MCM9: variants seen among roughly 807,000 people sequenced by gnomAD.
MCM9 encodes DNA helicase MCM9.
Under a neutral mutation model 72.8 loss-of-function variants are expected in MCM9, and 55 were observed. The observed-to-expected ratio is 0.76, with a 90% CI of 0.61 to 0.95. MCM9 has a LOEUF of 0.95. Among genes scored for constraint, MCM9 ranks in the 40% least tolerant of loss-of-function variants. The probability of loss-of-function intolerance (pLI) is 0.00; values close to 1 mark genes in which losing one functional copy is unlikely to be tolerated. For synonymous variants in MCM9, 480 were observed against 503.4 expected, an observed-to-expected ratio of 0.95 and a Z score of 0.62; for missense variants, 1,279 against 1,377.0, an observed-to-expected ratio of 0.93 and a Z score of 1.13.
chr6:118,831,662 T>C (rs888143075), intron 9 of MCM9, among the ~76,000 whole-genome samples: 3 of 152,100 alleles, frequency 2.0e-5, no homozygotes, highest in Admixed American at 6.6e-5. Flanking sequence ...CAAACACAAA[T>C]ACATACATAC....
chr6:118,881,944 C>T (rs1247920056), intron 8 of MCM9, among the ~76,000 whole-genome samples: 1 of 152,146 alleles, frequency 6.6e-6, no homozygotes, highest in Non-Finnish European at 1.5e-5. Context: ...GAGGAGCTCC[C>T]TATGAGCTCT....
intron 8 of MCM9, chr6:118,911,408 A>G (rs1437676409): frequency 8.1e-7 from 1 of 1,234,096 alleles, no homozygotes; most frequent in Admixed American, 4.0e-5. Context: ...TATGAAGGTA[A>G]TCACTAGAGA....
chr6:118,829,187 G>A lies in MCM9; in HGVS notation c.1389C>T (p.Tyr463=), dbSNP rs1174836608. The A allele has an allele frequency of 8.4e-6, 13 of 1,550,546 alleles. No homozygotes were observed. Among genetic ancestry groups the A allele is most frequent in the Admixed American group, 2.0e-5 (1 of 50,956 alleles). ...ILAATNPKGQ[Y]DPQESVSVNI... is the part of the protein sequence containing the mutation. ...TCACAGACACGGACTCCTGGGGGTC[G>A]TACTGGCCTTTGGGGTTCGTTGCTG... is the stretch of plus-strand genomic sequence containing the variant. The change falls in exon 10 of 14, where the codon TAC becomes TAT. Residue 463 remains tyrosine, a synonymous_variant. Transcript: ENST00000619706.
intron 3 of MCM9, among the ~76,000 whole-genome samples, chr6:118,927,301 T>C (rs1266407946): frequency 6.6e-6 from 1 of 152,212 alleles, no homozygotes; most frequent in Non-Finnish European, 1.5e-5. Context: ...TAGCATAATT[T>C]AGAAAAGTCT....
chr6:118,848,760 C>T (rs1776041058), intron 9 of MCM9, among the ~76,000 whole-genome samples: 1 of 152,054 alleles, frequency 6.6e-6, no homozygotes, highest in African/African-American at 2.4e-5. Flanking sequence ...CCCATCTCTA[C>T]TAAAACACAA....
At chr6:118,817,615 T>C (rs905005080) in intron 13 of MCM9, among the ~76,000 whole-genome samples, 1 of 152,242 alleles carries the variant, frequency 6.6e-6, no homozygotes, top group Non-Finnish European at 1.5e-5. Context: ...GCATGTGTCT[T>C]TACAGTAGAA....
chr6:118,859,304 T>TAAAG (rs1015486952), intron 8 of MCM9, among the ~76,000 whole-genome samples: 13 of 152,258 alleles, frequency 8.5e-5, no homozygotes, highest in Non-Finnish European at 1.6e-4. Context: ...TGTAAAACTA[T>TAAAG]AAAGAAAGAA....
At chr6:118,902,507 G>A (rs78571872) in intron 8 of MCM9, among the ~76,000 whole-genome samples, 1 of 149,864 alleles carries the variant, frequency 6.7e-6, no homozygotes, top group Non-Finnish European at 1.5e-5. Flanking sequence ...AAGAAACCTG[G>A]GTTGACAGGT....
chr6:118,825,145 A>G (rs1001277217), intron 13 of MCM9, among the ~76,000 whole-genome samples: 1 of 152,180 alleles, frequency 6.6e-6, no homozygotes, highest in Non-Finnish European at 1.5e-5. Context: ...AGCAAAGCCA[A>G]GCCCAGGAGC....
At chr6:118,899,392 T>C (rs1314698318) in intron 8 of MCM9, among the ~76,000 whole-genome samples, 2 of 152,166 alleles carry the variant, frequency 1.3e-5, no homozygotes, top group Non-Finnish European at 2.9e-5. Context: ...TTCATTCTGC[T>C]CCAGCCCTAG....
intron 3 of MCM9, among the ~76,000 whole-genome samples, chr6:118,925,454 T>A (rs757184633): frequency 2.0e-5 from 3 of 152,186 alleles, no homozygotes; most frequent in Non-Finnish European, 4.4e-5. Flanking sequence ...GTTTAGGAAG[T>A]ATGAGGGGAA....
At chr6:118,906,351 G>C (rs999889811) in intron 8 of MCM9, among the ~76,000 whole-genome samples, 3 of 152,184 alleles carry the variant, frequency 2.0e-5, no homozygotes, top group African/African-American at 7.2e-5. Context: ...GGGATTACAG[G>C]TGTGAGCCAC....
intron 9 of MCM9, among the ~76,000 whole-genome samples, chr6:118,838,218 G>T (rs1337426549): frequency 1.4e-5 from 2 of 147,596 alleles, no homozygotes; most frequent in East Asian, 4.0e-4. Context: ...TGTGAGTGCA[G>T]TGGCAGCGAT....
chr6:118,822,839 T>C (rs1358966808), intron 13 of MCM9, among the ~76,000 whole-genome samples: 2 of 152,154 alleles, frequency 1.3e-5, no homozygotes, highest in East Asian at 1.9e-4. Flanking sequence ...AGAGAAGGTA[T>C]CTGGCCACAG....
chr6:118,814,820 C>T lies in MCM9; in HGVS notation c.*4G>A, dbSNP rs1241283355. 8 of 1,485,480 alleles carry T rather than the reference C, an allele frequency of 5.4e-6. No individual in the cohort carries two copies. The Admixed American group carries it at 2.0e-4, about 37-fold the overall frequency. 92.0% of individuals were successfully genotyped at this position (1,485,480 alleles called of 1,614,324 possible). A position where few individuals can be genotyped will look rare whatever the true frequency, so the allele number is the denominator to read the frequency against. On this transcript the variant is annotated 3_prime_UTR_variant, in exon 14 of 14. Transcript: ENST00000619706. ...GTGAGATTTGACCAGAAAGCTTTTC[C>T]CAACTATGACTTTTTTCTCATCTCT...
chr6:118,863,062 C>CA (rs1030126583), intron 8 of MCM9, among the ~76,000 whole-genome samples: 7 of 151,442 alleles, frequency 4.6e-5, no homozygotes, highest in African/African-American at 1.2e-4. Context: ...GAGCATTAGA[C>CA]AAAAAAAACC....
At chr6:118,880,868 C>T (rs1778241681) in intron 8 of MCM9, among the ~76,000 whole-genome samples, 2 of 152,296 alleles carry the variant, frequency 1.3e-5, no homozygotes, top group South Asian at 4.1e-4. Flanking sequence ...AGTAGTCTCT[C>T]CTTATCCACA....
At chr6:118,905,179 G>T (rs545310416) in intron 8 of MCM9, among the ~76,000 whole-genome samples, 2 of 152,152 alleles carry the variant, frequency 1.3e-5, no homozygotes, top group African/African-American at 4.8e-5. Flanking sequence ...ATACCTGTGG[G>T]GGTGGTTGAG....
chr6:118,839,176 T>C (rs1347381516), intron 9 of MCM9, among the ~76,000 whole-genome samples: 1 of 151,932 alleles, frequency 6.6e-6, no homozygotes, highest in South Asian at 2.1e-4. Context: ...ATTAAGTTGA[T>C]CTTCAATCTC....
Sources: allele counts gnomAD v4.1 joint callset (sites outside exome capture counted in the v4.1 genomes callset), GRCh38; gene constraint gnomAD v4.1.1; transcripts MANE v1.5; gene names NCBI Gene and HGNC (gene_info 2026-07-23, HGNC 2026-07-21).